The following GRID2 variants were observed in gnomAD, a reference collection of about 807,000 sequenced individuals.
GRID2 encodes glutamate receptor ionotropic, delta-2.
In GRID2, 33 loss-of-function variants were observed where a neutral mutation model predicts 114.8. That is an observed-to-expected ratio of 0.29 (90% CI 0.22 to 0.38). GRID2 has a LOEUF of 0.38. Among genes scored for constraint, GRID2 ranks in the 10% least tolerant of loss-of-function variants. The pLI is 1.00. For missense variants in GRID2, 1,184 were observed against 1,257.7 expected, an observed-to-expected ratio of 0.94 and a Z score of 0.89; for synonymous variants, 505 against 449.9, an observed-to-expected ratio of 1.12 and a Z score of -1.55.
chr4:93,415,924 C>A (rs1767658144), intron 9 of GRID2, among the ~76,000 whole-genome samples: 1 of 151,844 alleles, frequency 6.6e-6, no homozygotes, highest in South Asian at 2.1e-4. Flanking sequence ...TTACTTTTAT[C>A]ATTTGTAATT....
At chr4:93,424,348 T>C (rs1181774488) in intron 10 of GRID2, among the ~76,000 whole-genome samples, 1 of 152,156 alleles carries the variant, frequency 6.6e-6, no homozygotes, top group Non-Finnish European at 1.5e-5. Flanking sequence ...CTTTAGAGTG[T>C]CTTGAAGTGC....
At chr4:92,529,829 T>C (rs1399732907) in intron 1 of GRID2, among the ~76,000 whole-genome samples, 2 of 152,136 alleles carry the variant, frequency 1.3e-5, no homozygotes, top group Non-Finnish European at 2.9e-5. Flanking sequence ...ATGATGGCCA[T>C]TGACATGAAA....
At chr4:92,933,202 T>A (rs1560715675) in intron 2 of GRID2, among the ~76,000 whole-genome samples, 1 of 150,954 alleles carries the variant, frequency 6.6e-6, no homozygotes, top group Non-Finnish European at 1.5e-5. Context: ...TTTTACCTCT[T>A]AATCGGATTA....
chr4:92,738,547 AAAC>A (rs1365670166), intron 2 of GRID2, among the ~76,000 whole-genome samples: 7 of 152,200 alleles, frequency 4.6e-5, no homozygotes, highest in Non-Finnish European at 8.8e-5. Context: ...TAATTTTGGA[AAAC>A]AATAAAAAAT....
intron 7 of GRID2, among the ~76,000 whole-genome samples, chr4:93,226,683 C>A (rs1255815023): frequency 1.3e-5 from 2 of 151,960 alleles, no homozygotes; most frequent in Non-Finnish European, 2.9e-5. Context: ...GTAGTCATTG[C>A]CCTAGTGGAA....
At chr4:92,469,697 C>T (rs1020248724) in intron 1 of GRID2, among the ~76,000 whole-genome samples, 1 of 150,148 alleles carries the variant, frequency 6.7e-6, no homozygotes, top group Non-Finnish European at 1.5e-5. Context: ...TAGGAAAAGA[C>T]AAATGAAACA....
At chr4:93,436,778 TCAA>T (rs1721124296) in intron 10 of GRID2, among the ~76,000 whole-genome samples, 1 of 151,820 alleles carries the variant, frequency 6.6e-6, no homozygotes, top group Non-Finnish European at 1.5e-5. Flanking sequence ...GAAGTAAAAA[TCAA>T]CAAGAAAATA....
At chr4:93,437,751 T>C (rs1398354512) in intron 10 of GRID2, among the ~76,000 whole-genome samples, 1 of 152,146 alleles carries the variant, frequency 6.6e-6, no homozygotes, top group Non-Finnish European at 1.5e-5. Flanking sequence ...TCAGCTTTAA[T>C]CTGCCTAGAC....
chr4:93,347,190 A>G (rs1760324624), intron 8 of GRID2, among the ~76,000 whole-genome samples: 1 of 151,938 alleles, frequency 6.6e-6, no homozygotes, highest in South Asian at 2.1e-4. Context: ...AGCTGAATTT[A>G]TGTTGTACTA....
chr4:92,596,374 T>A (rs926999532), intron 2 of GRID2, among the ~76,000 whole-genome samples: 4 of 152,060 alleles, frequency 2.6e-5, no homozygotes, highest in Non-Finnish European at 5.9e-5. Context: ...TCTACATGTG[T>A]GAATTAGTGG....
chr4:93,440,085 G>T (rs1024874955), intron 10 of GRID2, among the ~76,000 whole-genome samples: 15 of 152,014 alleles, frequency 9.9e-5, no homozygotes, highest in Non-Finnish European at 2.2e-4. Flanking sequence ...TCAGGAGAAG[G>T]TCCTGTTATG....
chr4:92,958,061 T>C (rs1041514144), intron 2 of GRID2, among the ~76,000 whole-genome samples: 3 of 152,032 alleles, frequency 2.0e-5, no homozygotes, highest in Non-Finnish European at 4.4e-5. Context: ...TTGTTGTCGA[T>C]TGTTTTGGAT....
chr4:92,784,063 T>C (rs529194830), intron 2 of GRID2, among the ~76,000 whole-genome samples: 2 of 152,060 alleles, frequency 1.3e-5, no homozygotes, highest in Non-Finnish European at 2.9e-5. Flanking sequence ...GGAATGATTT[T>C]TATCTGGTGT....
At chr4:92,741,286 A>G (rs2149331837) in intron 2 of GRID2, among the ~76,000 whole-genome samples, 1 of 152,280 alleles carries the variant, frequency 6.6e-6, no homozygotes, top group East Asian at 1.9e-4. Context: ...CACAAGAAAC[A>G]CTGTCAGTCA....
downstream of GRID2, among the ~76,000 whole-genome samples, chr4:93,777,980 G>C (rs1734399417): frequency 6.6e-6 from 1 of 152,048 alleles, no homozygotes; most frequent in African/African-American, 2.4e-5. Context: ...AACACACATA[G>C]ATACCTATAT....
chr4:93,691,007 AATATT>A (rs1196512439), intron 14 of GRID2, among the ~76,000 whole-genome samples: 1 of 149,914 alleles, frequency 6.7e-6, no homozygotes, highest in African/African-American at 2.4e-5. Flanking sequence ...ATACTTATAA[AATATT>A]ATATATGTAT....
intron 13 of GRID2, among the ~76,000 whole-genome samples, chr4:93,594,796 G>T (rs988748053): frequency 1.2e-4 from 19 of 152,294 alleles, no homozygotes; most frequent in African/African-American, 4.6e-4. Flanking sequence ...GCAGTATTCG[G>T]GTGGGAGTGA....
intron 4 of GRID2, among the ~76,000 whole-genome samples, chr4:93,193,976 G>A (rs1741237830): frequency 4.6e-5 from 7 of 152,024 alleles, no homozygotes; most frequent in Admixed American, 4.6e-4. Flanking sequence ...CTGACTAAAG[G>A]GCAGAAATAC....
intron 2 of GRID2, among the ~76,000 whole-genome samples, chr4:92,723,324 T>C (rs1469607475): frequency 6.6e-6 from 1 of 152,160 alleles, no homozygotes; most frequent in African/African-American, 2.4e-5. Flanking sequence ...TTGTATAGCT[T>C]GCACCAGCCA....
Sources: allele counts gnomAD v4.1 joint callset (sites outside exome capture counted in the v4.1 genomes callset), GRCh38; gene constraint gnomAD v4.1.1; transcripts MANE v1.5; gene names NCBI Gene and HGNC (gene_info 2026-07-23, HGNC 2026-07-21).